The following MEIKIN variants were observed in gnomAD, a reference collection of about 807,000 sequenced individuals.
MEIKIN encodes the protein meiosis-specific kinetochore protein.
chr5:131,913,661 G>A (rs1025221542), intron 7 of MEIKIN, among the ~76,000 whole-genome samples: 1 of 152,252 alleles, frequency 6.6e-6, no homozygotes, highest in Admixed American at 6.5e-5. Flanking sequence ...TGGTAGAATT[G>A]GGTTTTGACT....
chr5:131,882,989 A>G (rs915952945), intron 8 of MEIKIN, among the ~76,000 whole-genome samples: 2 of 151,984 alleles, frequency 1.3e-5, no homozygotes, highest in Non-Finnish European at 2.9e-5. Context: ...TCTTTACCCT[A>G]CCTTATATTC....
intron 7 of MEIKIN, among the ~76,000 whole-genome samples, chr5:131,914,479 AAG>A (rs1230187630): frequency 3.4e-5 from 5 of 147,594 alleles, no homozygotes; most frequent in African/African-American, 7.5e-5. Context: ...GAGAGAAAGA[AAG>A]AGAGAGAAAG....
intron 7 of MEIKIN, among the ~76,000 whole-genome samples, chr5:131,914,317 G>A (rs1312224690): frequency 6.6e-6 from 1 of 150,788 alleles, no homozygotes; most frequent in African/African-American, 2.4e-5. Flanking sequence ...CCAGGAGTTC[G>A]AGGTTACAGT....
chr5:131,851,369 T>C lies in MEIKIN; in HGVS notation c.870A>G (p.Ser290=), dbSNP rs192891877. 5.0e-6 allele frequency: 2 copies of C among 398,046 alleles called. No individual in the cohort carries two copies. The highest frequency in any genetic ancestry group is 2.1e-5 in the African/African-American group (1 of 48,698). 24.7% of individuals were successfully genotyped at this position (398,046 alleles called of 1,614,324 possible). ...ETAGFVIDLS[S]VQKASFEELF... ...GTTCTTCAAAAGATGCTTTTTGCAC[T>C]GAGGACAAATCAATCTATAAAAGAA... The change falls in exon 11 of 13, where the codon TCA becomes TCG. Residue 290 remains serine (S), a synonymous_variant. Coordinates refer to ENST00000442687, the MANE Select transcript of MEIKIN (RefSeq NM_001303622.2).
intron 8 of MEIKIN, among the ~76,000 whole-genome samples, chr5:131,888,829 T>G (rs2149632926): frequency 6.6e-6 from 1 of 152,308 alleles, no homozygotes; most frequent in Non-Finnish European, 1.5e-5. Context: ...TCTTCTAGGG[T>G]TTTTATGGCT....
At chr5:131,847,449 A>C (rs1167597027) in intron 11 of MEIKIN, among the ~76,000 whole-genome samples, 3 of 152,110 alleles carry the variant, frequency 2.0e-5, no homozygotes, top group Admixed American at 2.0e-4. Context: ...ACAAAGATGA[A>C]TATTATATAT....
chr5:131,860,413 A>T, intron 9 of MEIKIN, among the ~76,000 whole-genome samples: 1 of 148,966 alleles, frequency 6.7e-6, no homozygotes, highest in African/African-American at 2.5e-5. Context: ...CTGCGGCTTC[A>T]CTGAATTTGG....
At chr5:131,919,828 C>A (rs879820916) in intron 6 of MEIKIN, among the ~76,000 whole-genome samples, 5 of 152,094 alleles carry the variant, frequency 3.3e-5, no homozygotes, top group African/African-American at 4.8e-5. Flanking sequence ...GAGAAAGTGA[C>A]AATTTTCTGA....
intron 12 of MEIKIN, among the ~76,000 whole-genome samples, chr5:131,814,721 C>T (rs1029172436): frequency 6.6e-6 from 1 of 152,194 alleles, no homozygotes; most frequent in African/African-American, 2.4e-5. Context: ...CTGTGGAAAC[C>T]AGTCAGTCTC....
intron 11 of MEIKIN, among the ~76,000 whole-genome samples, chr5:131,833,364 G>A (rs1749746127): frequency 6.6e-6 from 1 of 152,052 alleles, no homozygotes; most frequent in African/African-American, 2.4e-5. Flanking sequence ...CCTCAGCCTG[G>A]ACCTTATTGT....
rs760203397 is a variant in MEIKIN, at chr5:131,919,195, G to T, written c.599-2270C>A. 3.1e-4 allele frequency among the ~76,000 whole-genome samples: 47 copies of T among 151,910 alleles called. 1 individual carries two copies. Among genetic ancestry groups the T allele is most frequent in the Non-Finnish European group, 4.9e-4 (33 of 68,008 alleles). Reference sequence around the variant, plus strand: ...GAGATACCATTTGTCACCTATTAGAGTAGCAAAAATTAAAAAAAAATATGA... The same window carrying T: ...GAGATACCATTTGTCACCTATTAGATTAGCAAAAATTAAAAAAAAATATGA... On this transcript the variant is annotated intron_variant, in intron 6 of 12. Coordinates refer to ENST00000442687, the MANE Select transcript of MEIKIN (RefSeq NM_001303622.2).
chr5:131,874,786 C>T (rs1750581108), intron 9 of MEIKIN, among the ~76,000 whole-genome samples: 1 of 152,158 alleles, frequency 6.6e-6, no homozygotes, highest in Admixed American at 6.6e-5. Flanking sequence ...ACACAAAAAG[C>T]TTATCCACCA....
intron 11 of MEIKIN, among the ~76,000 whole-genome samples, chr5:131,822,196 T>C (rs570912525): frequency 6.6e-6 from 1 of 152,216 alleles, no homozygotes; most frequent in Admixed American, 6.5e-5. Flanking sequence ...GTGCTTCCTG[T>C]AGGCAACAGA....
intron 8 of MEIKIN, among the ~76,000 whole-genome samples, chr5:131,885,341 AAGAGAGAGAGAGAGAGAGAGAGAGAG>A (rs57363906): frequency 2.7e-4 from 17 of 61,980 alleles, no homozygotes; most frequent in East Asian, 6.8e-4. Context: ...TCAGAACTGA[AAGAGAGAGAGAGAGAGAGAGAGAGAG>A]AGAGAGAGAG....
chr5:131,868,593 CAG>C (rs1750430774), intron 9 of MEIKIN, among the ~76,000 whole-genome samples: 1 of 151,644 alleles, frequency 6.6e-6, no homozygotes. Flanking sequence ...TTTTTTGAGA[CAG>C]GGTATCACTC....
intron 11 of MEIKIN, among the ~76,000 whole-genome samples, chr5:131,842,314 G>T (rs1428556725): frequency 2.0e-5 from 3 of 152,062 alleles, no homozygotes; most frequent in South Asian, 2.1e-4. Flanking sequence ...TTGCCTAATT[G>T]CTCTGGCTCA....
At chr5:131,844,514 C>G (rs557278084) in intron 11 of MEIKIN, among the ~76,000 whole-genome samples, 19 of 152,186 alleles carry the variant, frequency 1.2e-4, no homozygotes, top group Admixed American at 1.2e-3. Context: ...TAGCTGAGTA[C>G]TAGGGAAACC....
At chr5:131,902,766 C>T (rs1292976532) in intron 8 of MEIKIN, among the ~76,000 whole-genome samples, 1 of 152,086 alleles carries the variant, frequency 6.6e-6, no homozygotes, top group Non-Finnish European at 1.5e-5. Context: ...TCCCAAAAAC[C>T]CCACTAGTTC....
intron 11 of MEIKIN, among the ~76,000 whole-genome samples, chr5:131,827,322 A>C (rs2149605375): frequency 6.6e-6 from 1 of 152,314 alleles, no homozygotes; most frequent in East Asian, 1.9e-4. Context: ...ATTGTTAAGA[A>C]GAAAAGGGAG....
Sources: gnomAD v4.1 joint callset for allele counts (sites outside exome capture counted in the v4.1 genomes callset) on GRCh38, gnomAD v4.1.1 for gene constraint, MANE v1.5 for transcripts, NCBI Gene and HGNC (gene_info 2026-07-23, HGNC 2026-07-21) for gene names.